MAP3K20: variants seen among roughly 807,000 people sequenced by gnomAD.
MAP3K20 encodes the protein HCCS-4.
A neutral mutation model predicts 85.7 loss-of-function variants in MAP3K20; 40 were observed. The observed-to-expected ratio is 0.47, with a 90% CI of 0.36 to 0.61. The LOEUF (loss-of-function observed/expected upper bound fraction) is 0.61. Among genes scored for constraint, MAP3K20 ranks in the 20% least tolerant of loss-of-function variants. MAP3K20 has a pLI of 0.00. For missense variants in MAP3K20, 817 were observed against 961.7 expected (o/e 0.85, Z 1.99); for synonymous variants, 325 against 327.7 (o/e 0.99, Z 0.09).
At chr2:173,173,484 G>A (rs957432609) in intron 3 of MAP3K20, among the ~76,000 whole-genome samples, 5 of 152,076 alleles carry the variant, frequency 3.3e-5, no homozygotes, top group Non-Finnish European at 5.9e-5. Flanking sequence ...TCTAAGAGAG[G>A]AGACTAGTTC....
At chr2:173,254,552 C>T (rs552533706) in intron 16 of MAP3K20, among the ~76,000 whole-genome samples, 4 of 151,808 alleles carry the variant, frequency 2.6e-5, no homozygotes, top group Non-Finnish European at 5.9e-5. Context: ...GGCTCATAAA[C>T]TTGTGGAATT....
At chr2:173,209,350 C>T (rs1427548383) in intron 9 of MAP3K20, among the ~76,000 whole-genome samples, 2 of 152,198 alleles carry the variant, frequency 1.3e-5, no homozygotes, top group Non-Finnish European at 2.9e-5. Context: ...CCACCACACA[C>T]AGTCTACTGT....
At chr2:173,138,249 G>A (rs1237732741) in intron 2 of MAP3K20, among the ~76,000 whole-genome samples, 3 of 152,178 alleles carry the variant, frequency 2.0e-5, no homozygotes, top group Non-Finnish European at 4.4e-5. Context: ...GATTATAGGC[G>A]TGAGCTACCG....
intron 16 of MAP3K20, among the ~76,000 whole-genome samples, chr2:173,243,912 C>T (rs1427682464): frequency 6.6e-6 from 1 of 152,196 alleles, no homozygotes; most frequent in East Asian, 1.9e-4. Context: ...AGGCGTGAGT[C>T]ACTGCGCCCG....
At chr2:173,206,677 A>AT (rs1385848177) in intron 9 of MAP3K20, among the ~76,000 whole-genome samples, 2 of 152,142 alleles carry the variant, frequency 1.3e-5, no homozygotes, top group Non-Finnish European at 2.9e-5. Flanking sequence ...GTACAGCTGT[A>AT]TTTTTAAAGA....
At chr2:173,214,536 G>T (rs1269218676) in intron 10 of MAP3K20, 1 of 152,092 alleles carries the variant, frequency 6.6e-6, no homozygotes, top group Non-Finnish European at 1.5e-5. Context: ...CTTTGCAATT[G>T]CACAAATCAT....
At position 173,150,110 on chromosome 2, in the gene MAP3K20, A is replaced by G. The variant is rs994962057; in HGVS notation, c.160-19695A>G. Among the ~76,000 whole-genome samples the G allele has an allele frequency of 6.9e-4, 105 of 152,252 alleles. 4 individuals are homozygous for G. The highest frequency in any genetic ancestry group is 6.7e-3 in the Admixed American group (103 of 15,294). ...CAAGAATTGCCCCCATCAAATTCAGATTTGTTCTGCAAATGTGGTGATTGT... is the reference window on the plus strand; with the variant it reads ...CAAGAATTGCCCCCATCAAATTCAGGTTTGTTCTGCAAATGTGGTGATTGT... On this transcript the variant is annotated intron_variant, in intron 2 of 19. Transcript: ENST00000375213.
intron 5 of MAP3K20, among the ~76,000 whole-genome samples, chr2:173,190,633 A>AGAACC (rs1476265545): frequency 1.3e-5 from 2 of 152,188 alleles, no homozygotes; most frequent in African/African-American, 4.8e-5. Context: ...ACTACTACTA[A>AGAACC]TTTGTGCCTT....
chr2:173,232,257 G>C (rs776887485), intron 13 of MAP3K20, 35 bp downstream of exon 13: 14 of 1,614,154 alleles, frequency 8.7e-6, no homozygotes, highest in Non-Finnish European at 6.8e-6. Context: ...CAATCATGGA[G>C]TTAACTTTGT....
chr2:173,105,342 C>G (rs957806438), intron 2 of MAP3K20, among the ~76,000 whole-genome samples: 2 of 152,108 alleles, frequency 1.3e-5, no homozygotes, highest in African/African-American at 4.8e-5. Context: ...TGAAAATAAT[C>G]AAGGACGTCT....
rs67882203 is a variant in MAP3K20, at chr2:173,169,719, C to CA, written c.160-77dup. The CA allele has an allele frequency of 8.7e-3, 11,585 of 1,326,618 alleles. 29 individuals carry two copies. The highest frequency in any genetic ancestry group is 0.012 in the African/African-American group (821 of 67,210). The allele number at this position is 1,326,618 out of a possible 1,614,324, so 82.2% of individuals were successfully genotyped here. A position where few individuals can be genotyped will look rare whatever the true frequency, so the allele number is the denominator to read the frequency against. ...TGGACAACACAGCAAGACCCTAACTCAAAAAAAAATGAGTAGGAAGCCTGT... is the reference window on the plus strand; with the variant it reads ...TGGACAACACAGCAAGACCCTAACTCAAAAAAAAAATGAGTAGGAAGCCTGT... On this transcript the variant is annotated intron_variant, in intron 2 of 19. Transcript: ENST00000375213.
At chr2:173,087,494 G>C (rs1397022557) in intron 1 of MAP3K20, among the ~76,000 whole-genome samples, 2 of 152,182 alleles carry the variant, frequency 1.3e-5, no homozygotes, top group East Asian at 3.8e-4. Flanking sequence ...CTTGGAATTA[G>C]AATACATGAG....
At chr2:173,170,034 T>A in intron 3 of MAP3K20, 142 bp downstream of exon 3, 1 of 717,262 alleles carries the variant, frequency 1.4e-6, no homozygotes, top group Non-Finnish European at 2.3e-6. Flanking sequence ...AAAGCATTAA[T>A]AAAACTGATT....
intron 3 of MAP3K20, among the ~76,000 whole-genome samples, chr2:173,180,178 TA>T (rs1251395184): frequency 6.6e-6 from 1 of 152,180 alleles, no homozygotes; most frequent in Non-Finnish European, 1.5e-5. Flanking sequence ...GAGAAAGAAC[TA>T]ACTTTGAGGA....
intron 2 of MAP3K20, among the ~76,000 whole-genome samples, chr2:173,110,217 ATATATATATATATATATATATATATTTTT>A (rs1254210925): frequency 5.4e-4 from 4 of 7,356 alleles, no homozygotes; most frequent in African/African-American, 1.5e-3. Context: ...ATATATATAT[ATATATATATATATATATATATATATTTTT>A]TTTTTTTTTT....
chr2:173,086,015 C>T (rs147045211), intron 1 of MAP3K20, among the ~76,000 whole-genome samples: 1,756 of 151,810 alleles, frequency 0.012, 21 homozygotes, highest in Middle Eastern at 0.024. Flanking sequence ...AGGCTGGTCT[C>T]GAACTCCTGA....
chr2:173,138,591 A>G (rs1451036893), intron 2 of MAP3K20, among the ~76,000 whole-genome samples: 1 of 152,206 alleles, frequency 6.6e-6, no homozygotes, highest in African/African-American at 2.4e-5. Context: ...CATTTTAACA[A>G]TCAGTAATTT....
intron 2 of MAP3K20, among the ~76,000 whole-genome samples, chr2:173,111,773 A>G (rs959155777): frequency 6.6e-6 from 1 of 152,142 alleles, no homozygotes; most frequent in African/African-American, 2.4e-5. Context: ...ATTCTGTTCC[A>G]TTGGTCTATG....
At chr2:173,115,989 G>A (rs1688112217) in intron 2 of MAP3K20, among the ~76,000 whole-genome samples, 1 of 150,692 alleles carries the variant, frequency 6.6e-6, no homozygotes, top group African/African-American at 2.4e-5. Context: ...TGTCTTACCA[G>A]GGCAGAGCAG....
Sources: gnomAD v4.1 joint callset for allele counts (sites outside exome capture counted in the v4.1 genomes callset) on GRCh38, gnomAD v4.1.1 for gene constraint, MANE v1.5 for transcripts, NCBI Gene and HGNC (gene_info 2026-07-23, HGNC 2026-07-21) for gene names.